LGI1: variants seen among roughly 807,000 people sequenced by gnomAD.
LGI1 encodes the protein leucine rich glioma inactivated 1.
In LGI1, 11 loss-of-function variants were observed where a neutral mutation model predicts 57.7. That is an observed-to-expected ratio of 0.19 (90% CI 0.12 to 0.32). The LOEUF (loss-of-function observed/expected upper bound fraction) is 0.32, where lower values mean the gene tolerates loss of function less well. Among genes scored for constraint, LGI1 ranks in the 10% least tolerant of loss-of-function variants. The pLI is 1.00. For missense variants in LGI1, 422 were observed against 661.9 expected (o/e 0.64, Z 3.98); for synonymous variants, 222 against 241.9 (o/e 0.92, Z 0.76).
At chr10:93,794,306 C>G (rs1341606640) in intron 7 of LGI1, 1 of 151,202 alleles carries the variant, frequency 6.6e-6, no homozygotes, top group Non-Finnish European at 1.5e-5. Flanking sequence ...CGTGAGCCAC[C>G]GCACCCGGCC....
rs1319336374 is a variant in LGI1, at chr10:93,758,215, G to A, written c.71G>A (p.Cys24Tyr). 1 of 1,614,164 alleles carries A rather than the reference G, an allele frequency of 6.2e-7. No individual in the cohort carries two copies. Among genetic ancestry groups the A allele is most frequent in the Non-Finnish European group, 8.5e-7 (1 of 1,180,024 alleles). The change falls in exon 1 of 8, where the codon TGT becomes TAT. Residue 24 changes from cysteine to tyrosine, a missense_variant. By Grantham distance (194) the Cys-to-Tyr change is radical. This residue lies in a region of LGI1 where 58 missense variants were observed against 61.8 expected (regional missense o/e 0.94). Coordinates refer to ENST00000371418, the MANE Select transcript of LGI1 (RefSeq NM_005097.4). This position sits in a 1 kb window ranked among gnomAD's most constrained non-coding sequence, Gnocchi z 4.7. The stretch of plus-strand genomic sequence containing the variant: ...CTGAAAAGAATTGCTTATTTCCTAT[G>A]TCTCTTATCTGCGCTTTTGCTGACT... ...IPLKRIAYFL[C>Y]LLSALLLTEG...
chr10:93,774,204 A>C (rs1231333718), intron 2 of LGI1, among the ~76,000 whole-genome samples: 1 of 152,062 alleles, frequency 6.6e-6, no homozygotes, highest in African/African-American at 2.4e-5. Flanking sequence ...ACCATGTGCA[A>C]CCCTGGCTGC....
At chr10:93,764,828 C>G (rs2059657589) in intron 2 of LGI1, 1 of 152,218 alleles carries the variant, frequency 6.6e-6, no homozygotes, top group Non-Finnish European at 1.5e-5. Context: ...TTAATTGGAA[C>G]TACCATAACA....
chr10:93,759,493 T>G (rs2059601206), intron 2 of LGI1, among the ~76,000 whole-genome samples: 1 of 152,216 alleles, frequency 6.6e-6, no homozygotes, highest in Admixed American at 6.5e-5. Flanking sequence ...AATATTTGAC[T>G]AAGAAATCAG....
chr10:93,763,386 T>A (rs542709636), intron 2 of LGI1: 7 of 152,420 alleles, frequency 4.6e-5, no homozygotes, highest in African/African-American at 1.7e-4. Flanking sequence ...ACTTTACTGA[T>A]GTCTGGCACT....
chr10:93,794,428 A>T (rs1282235762), intron 7 of LGI1: 2 of 129,286 alleles, frequency 1.5e-5, no homozygotes, highest in East Asian at 4.6e-4. Flanking sequence ...CAGTGGCGTG[A>T]TCTGGGGTCA....
At chr10:93,781,719 T>C (rs186329248) in intron 4 of LGI1, among the ~76,000 whole-genome samples, 1 of 152,364 alleles carries the variant, frequency 6.6e-6, no homozygotes, top group Non-Finnish European at 1.5e-5. Context: ...AATTAATTTA[T>C]GGCCAATGAT....
In LGI1 at chr10:93,797,269, T is replaced by C. The variant is rs1459641419; in HGVS notation, c.1140T>C (p.Thr380=). The C allele has an allele frequency of 6.2e-7, 1 of 1,614,176 alleles. No individual in the cohort carries two copies. Among genetic ancestry groups the C allele is most frequent in the East Asian group, 2.2e-5 (1 of 44,882 alleles). ...CCTTACACGCGTGGTACAGGGACACTGATGTGGAATATCTAGAAATAGTCA... is the reference window on the plus strand; with the variant it reads ...CCTTACACGCGTGGTACAGGGACACCGATGTGGAATATCTAGAAATAGTCA... The part of the protein sequence containing the change: ...HQSLHAWYRD[T]DVEYLEIVRT... The change falls in exon 8 of 8, where the codon ACT becomes ACC. Residue 380 remains threonine, a synonymous_variant. Coordinates refer to ENST00000371418, the MANE Select transcript of LGI1 (RefSeq NM_005097.4). This position sits in a 1 kb window ranked among gnomAD's most constrained non-coding sequence, Gnocchi z 6.5.
chr10:93,766,580 C>T (rs2059681378), intron 2 of LGI1, among the ~76,000 whole-genome samples: 1 of 140,200 alleles, frequency 7.1e-6, no homozygotes, highest in Non-Finnish European at 1.5e-5. Flanking sequence ...TCTCGGCTCA[C>T]TGCAAGCTCC....
At chr10:93,766,925 A>G (rs2059686406) in intron 2 of LGI1, 1 of 152,160 alleles carries the variant, frequency 6.6e-6, no homozygotes, top group African/African-American at 2.4e-5. Flanking sequence ...TCACGCCCCT[A>G]TTAAGTAGCA....
At chr10:93,795,886 A>G (rs531182578) in intron 7 of LGI1, among the ~76,000 whole-genome samples, 2 of 152,372 alleles carry the variant, frequency 1.3e-5, no homozygotes, top group South Asian at 4.1e-4. Flanking sequence ...AAAGAGTCAG[A>G]AATAAAACTA....
intron 2 of LGI1, among the ~76,000 whole-genome samples, chr10:93,766,482 A>G (rs1405655411): frequency 1.4e-5 from 2 of 140,340 alleles, no homozygotes; most frequent in Non-Finnish European, 3.2e-5. Context: ...TTATTTTTGT[A>G]TTGCTTGGTG....
At chr10:93,761,501 G>C (rs1007695388) in intron 2 of LGI1, among the ~76,000 whole-genome samples, 57 of 152,170 alleles carry the variant, frequency 3.7e-4, no homozygotes, top group African/African-American at 1.3e-3. Context: ...GATAATGTCA[G>C]TATGCCCCCA....
intron 4 of LGI1, among the ~76,000 whole-genome samples, chr10:93,784,122 A>G (rs1002936237): frequency 6.6e-6 from 1 of 152,218 alleles, no homozygotes; most frequent in African/African-American, 2.4e-5. Flanking sequence ...TCTAGTACTC[A>G]TTGCAGAATT....
chr10:93,795,742 T>A (rs2059974743), intron 7 of LGI1, among the ~76,000 whole-genome samples: 1 of 152,186 alleles, frequency 6.6e-6, no homozygotes, highest in African/African-American at 2.4e-5. Flanking sequence ...AATGAGCCAA[T>A]CAGTATTGGT....
At position 93,777,166 on chromosome 10, in the gene LGI1, G is replaced by C. The variant is rs527985852; in HGVS notation, c.288-213G>C. On this transcript the variant is annotated intron_variant, in intron 2 of 7. Coordinates refer to ENST00000371418, the MANE Select transcript of LGI1 (RefSeq NM_005097.4). ...TATGTGGCAGTCATTGTGAGGAATC[G>C]GGCACCAGGCACCCCTTGATGAGCC... is the stretch of plus-strand genomic sequence containing the variant. The C allele has an allele frequency of 1.1e-5, 7 of 617,854 alleles. No homozygotes were observed. In the South Asian group the frequency reaches 1.3e-4, roughly 12 times the overall value. The allele number at this position is 617,854 out of a possible 1,614,324, so 38.3% of individuals were successfully genotyped here. A position where few individuals can be genotyped will look rare whatever the true frequency, so the allele number is the denominator to read the frequency against.
At chr10:93,760,107 G>C (rs530113343) in intron 2 of LGI1, among the ~76,000 whole-genome samples, 1 of 152,182 alleles carries the variant, frequency 6.6e-6, no homozygotes, top group Non-Finnish European at 1.5e-5. Flanking sequence ...TCCTAAACTG[G>C]TTTGACTGTT....
chr10:93,772,044 A>G (rs1240532138), intron 2 of LGI1: 1 of 152,146 alleles, frequency 6.6e-6, no homozygotes, highest in African/African-American at 2.4e-5. Context: ...TTTGTTAAAT[A>G]CAAATTTAAA....
In LGI1 at chr10:93,758,090, T is replaced by C. The variant is rs2059583013; in HGVS notation, c.-55T>C. On this transcript the variant is annotated 5_prime_UTR_variant, in exon 1 of 8. Transcript: ENST00000371418. The surrounding 1 kb of genome is among the most constrained non-coding windows in gnomAD (Gnocchi z 4.7). ...GTGACCTGTTCTTAGAGCAAGACAA[T>C]CACCATCTGAATTCCAGAAGCCCTG... 1 of 1,500,854 alleles carries C rather than the reference T, an allele frequency of 6.7e-7. No homozygotes were observed. Among genetic ancestry groups the C allele is most frequent in the Non-Finnish European group, 9.3e-7 (1 of 1,078,980 alleles). 93.0% of individuals were successfully genotyped at this position (1,500,854 alleles called of 1,614,324 possible). A position where few individuals can be genotyped will look rare whatever the true frequency, so the allele number is the denominator to read the frequency against.
Sources: allele counts gnomAD v4.1 joint callset (sites outside exome capture counted in the v4.1 genomes callset), GRCh38; gene constraint gnomAD v4.1.1; regional missense constraint gnomAD v4.1.1; non-coding constraint Gnocchi (gnomAD v3.1); transcripts MANE v1.5; gene names NCBI Gene and HGNC (gene_info 2026-07-23, HGNC 2026-07-21).